STIM1: variants seen among roughly 807,000 people sequenced by gnomAD.
STIM1 encodes the protein stromal interaction molecule 1.
A neutral mutation model predicts 74.7 loss-of-function variants in STIM1; 25 were observed. The observed-to-expected ratio is 0.33, with a 90% CI of 0.24 to 0.47. The LOEUF is 0.47. Ranked by LOEUF, STIM1 falls within the 20% of genes least tolerant of loss-of-function variation. The pLI, the probability that STIM1 is intolerant of heterozygous loss-of-function variation, is 1.00. For synonymous variants in STIM1, 328 were observed against 348.8 expected (o/e 0.94, Z 0.66); for missense variants, 728 against 920.8 (o/e 0.79, Z 2.71).
chr11:3,950,222 C>T (rs2093129022), intron 1 of STIM1, among the ~76,000 whole-genome samples: 1 of 151,658 alleles, frequency 6.6e-6, no homozygotes, highest in African/African-American at 2.4e-5. Context: ...CAACCTCCAC[C>T]TCCTGGGTTC....
intron 12 of STIM1, chr11:4,086,916 C>T: frequency 1.3e-6 from 2 of 1,495,070 alleles, no homozygotes; most frequent in South Asian, 2.6e-5. Context: ...GCTGCTTTTA[C>T]CTTGGTTTCT....
At chr11:3,910,994 A>C (rs1212113897) in intron 1 of STIM1, among the ~76,000 whole-genome samples, 1 of 151,998 alleles carries the variant, frequency 6.6e-6, no homozygotes, top group Non-Finnish European at 1.5e-5. Context: ...ACAAACAAAC[A>C]AACAAGAAAA....
intron 2 of STIM1, among the ~76,000 whole-genome samples, chr11:4,001,211 A>G (rs367872939): frequency 5.8e-4 from 88 of 152,084 alleles, no homozygotes; most frequent in African/African-American, 2.0e-3. Context: ...GCAGGCCAAC[A>G]TTCAGATTCA....
chr11:3,977,399 A>G (rs537556117), intron 2 of STIM1, among the ~76,000 whole-genome samples: 1 of 152,348 alleles, frequency 6.6e-6, no homozygotes, highest in South Asian at 2.1e-4. Flanking sequence ...GGTGTCTGGT[A>G]TAGAAGTATA....
chr11:3,880,562 A>G (rs1162231642), intron 1 of STIM1, among the ~76,000 whole-genome samples: 1 of 152,234 alleles, frequency 6.6e-6, no homozygotes, highest in Non-Finnish European at 1.5e-5. Context: ...AAAGTCAAGA[A>G]CACAGTTGTT....
chr11:3,985,700 C>G (rs2093552224), intron 2 of STIM1, among the ~76,000 whole-genome samples: 1 of 152,192 alleles, frequency 6.6e-6, no homozygotes, highest in Non-Finnish European at 1.5e-5. Flanking sequence ...AGAGAAAAGC[C>G]ATGCTTCAGA....
intron 2 of STIM1, among the ~76,000 whole-genome samples, chr11:4,012,284 G>A (rs1166665783): frequency 6.6e-6 from 1 of 152,184 alleles, no homozygotes; most frequent in African/African-American, 2.4e-5. Context: ...GCTTGATGGG[G>A]ATAGCATTGA....
intron 1 of STIM1, among the ~76,000 whole-genome samples, chr11:3,940,860 T>G (rs73427517): frequency 0.017 from 2,640 of 152,306 alleles, 77 homozygotes; most frequent in African/African-American, 0.061. Context: ...GATGTTTTTA[T>G]AGGAAGTGTT....
chr11:4,032,003 A>G (rs1328346048), intron 3 of STIM1, among the ~76,000 whole-genome samples: 6 of 152,142 alleles, frequency 3.9e-5, no homozygotes, highest in African/African-American at 1.4e-4. Flanking sequence ...TTGTAGTTTT[A>G]TGTTTTACAT....
At chr11:3,980,957 G>A (rs2093498645) in intron 2 of STIM1, among the ~76,000 whole-genome samples, 2 of 152,106 alleles carry the variant, frequency 1.3e-5, no homozygotes, top group South Asian at 4.1e-4. Flanking sequence ...GCCCCTTGTT[G>A]AGAACTACTG....
At chr11:4,042,967 C>G (rs2094160104) in intron 3 of STIM1, among the ~76,000 whole-genome samples, 1 of 152,166 alleles carries the variant, frequency 6.6e-6, no homozygotes. Flanking sequence ...GATCACCGCT[C>G]TATTCCTAGT....
intron 1 of STIM1, among the ~76,000 whole-genome samples, chr11:3,905,235 AGACT>A (rs2092445793): frequency 1.3e-5 from 2 of 152,070 alleles, no homozygotes; most frequent in African/African-American, 4.8e-5. Flanking sequence ...GACAGAAGCT[AGACT>A]GCTGTGGCTT....
chr11:3,862,603 C>T (rs185667385), intron 1 of STIM1, among the ~76,000 whole-genome samples: 1 of 152,220 alleles, frequency 6.6e-6, no homozygotes, highest in East Asian at 1.9e-4. Context: ...TTGGCCATCA[C>T]ACCCGGCTAA....
At chr11:3,994,680 T>C (rs2093647127) in intron 2 of STIM1, among the ~76,000 whole-genome samples, 1 of 151,952 alleles carries the variant, frequency 6.6e-6, no homozygotes, top group African/African-American at 2.4e-5. Context: ...GGCTGGTCTT[T>C]AACTCCTGGC....
At chr11:3,970,074 C>CTTTTTT (rs145136493) in intron 2 of STIM1, among the ~76,000 whole-genome samples, 2 of 139,074 alleles carry the variant, frequency 1.4e-5, no homozygotes, top group Non-Finnish European at 1.6e-5. Flanking sequence ...GCTCCTCATC[C>CTTTTTT]TTTTTTTTTT....
chr11:3,856,719 C>G (rs1565091213), intron 1 of STIM1, among the ~76,000 whole-genome samples: 1 of 152,314 alleles, frequency 6.6e-6, no homozygotes, highest in East Asian at 1.9e-4. Context: ...GCCTACTTGT[C>G]TGGAAGAATG....
At chr11:3,975,382 T>G (rs2093437305) in intron 2 of STIM1, among the ~76,000 whole-genome samples, 1 of 152,184 alleles carries the variant, frequency 6.6e-6, no homozygotes, top group Non-Finnish European at 1.5e-5. Flanking sequence ...TTTGGGAGGC[T>G]GAGGCAGGCA....
At chr11:4,037,560 G>C (rs564781678) in intron 3 of STIM1, among the ~76,000 whole-genome samples, 1 of 152,120 alleles carries the variant, frequency 6.6e-6, no homozygotes, top group African/African-American at 2.4e-5. Flanking sequence ...GGTAATCTTT[G>C]CTCTGAAATC....
chr11:4,073,043 T>TA (rs977479803), intron 6 of STIM1, among the ~76,000 whole-genome samples: 1 of 127,104 alleles, frequency 7.9e-6, no homozygotes, highest in Admixed American at 9.7e-5. Context: ...GCTCTGGACT[T>TA]AGAGGTTTTT....
Sources: allele counts gnomAD v4.1 joint callset (sites outside exome capture counted in the v4.1 genomes callset), GRCh38; gene constraint gnomAD v4.1.1; transcripts MANE v1.5; gene names NCBI Gene and HGNC (gene_info 2026-07-23, HGNC 2026-07-21).